The following CACNB4 variants were observed in gnomAD, a reference collection of about 807,000 sequenced individuals.
The protein encoded by CACNB4 is calcium voltage-gated channel auxiliary subunit beta 4, also known as voltage-dependent L-type calcium channel subunit beta-4.
In CACNB4, 32 loss-of-function variants were observed where a neutral mutation model predicts 71.2. The observed-to-expected ratio is 0.45, with a 90% CI of 0.34 to 0.60. The LOEUF (loss-of-function observed/expected upper bound fraction) is 0.60. Among genes scored for constraint, CACNB4 ranks in the 20% least tolerant of loss-of-function variants. The pLI, the probability that CACNB4 is intolerant of heterozygous loss-of-function variation, is 0.01. For missense variants in CACNB4, 464 were observed against 647.9 expected, an observed-to-expected ratio of 0.72 and a Z score of 3.08; for synonymous variants, 231 against 236.9, an observed-to-expected ratio of 0.97 and a Z score of 0.23.
intron 2 of CACNB4, among the ~76,000 whole-genome samples, chr2:151,978,294 T>C (rs1331933646): frequency 6.6e-6 from 1 of 152,066 alleles, no homozygotes; most frequent in Non-Finnish European, 1.5e-5. Context: ...GAAAGATACA[T>C]AGGAGGCAGT....
intron 2 of CACNB4, among the ~76,000 whole-genome samples, chr2:152,029,918 T>A (rs2105182002): frequency 6.6e-6 from 1 of 152,292 alleles, no homozygotes; most frequent in Non-Finnish European, 1.5e-5. Flanking sequence ...GAGAAATAAA[T>A]TCCTGTTGTT....
At position 151,896,699 on chromosome 2, in the gene CACNB4, G is replaced by A. The variant is rs148041794; in HGVS notation, c.148-13329C>T. Among the ~76,000 whole-genome samples the A allele has an allele frequency of 2.3e-3, 353 of 152,272 alleles. 3 individuals are homozygous for A. The highest frequency in any genetic ancestry group is 8.3e-3 in the African/African-American group (343 of 41,558). On this transcript the variant is annotated intron_variant, in intron 2 of 13. Coordinates refer to ENST00000539935, the MANE Select transcript of CACNB4 (RefSeq NM_000726.5). ...AGGCTTGCTTTTTTGATTCCTATCT[G>A]CTAATTCTGTGTTCTGTGTGTTAGA...
chr2:151,872,833 C>A, intron 5 of CACNB4: 1 of 179,284 alleles, frequency 5.6e-6, no homozygotes, highest in Non-Finnish European at 1.2e-5. Flanking sequence ...AAACACAGCT[C>A]AAAACAAGCA....
intron 2 of CACNB4, among the ~76,000 whole-genome samples, chr2:151,896,190 G>T (rs954183828): frequency 6.6e-6 from 1 of 152,132 alleles, no homozygotes; most frequent in African/African-American, 2.4e-5. Context: ...GAGGCCCAGG[G>T]GCCCCAACAG....
intron 2 of CACNB4, among the ~76,000 whole-genome samples, chr2:152,002,259 C>T (rs956856410): frequency 6.6e-6 from 1 of 152,308 alleles, no homozygotes; most frequent in African/African-American, 2.4e-5. Context: ...CGTCCTCTTA[C>T]TTGAAACACA....
chr2:152,078,990 C>T (rs1448613734), intron 2 of CACNB4, among the ~76,000 whole-genome samples: 1 of 152,132 alleles, frequency 6.6e-6, no homozygotes, highest in African/African-American at 2.4e-5. Flanking sequence ...CTACATGGTG[C>T]CTGCTCTACT....
chr2:151,993,282 T>C (rs1461787288), intron 2 of CACNB4, among the ~76,000 whole-genome samples: 4 of 152,104 alleles, frequency 2.6e-5, no homozygotes, highest in African/African-American at 9.7e-5. Flanking sequence ...AATTTGTAGA[T>C]ACCATTTTTG....
chr2:151,992,990 A>G (rs1006822227), intron 2 of CACNB4, among the ~76,000 whole-genome samples: 4 of 152,168 alleles, frequency 2.6e-5, no homozygotes, highest in Admixed American at 2.0e-4. Flanking sequence ...CAGCTTCCAA[A>G]TCTGGTAATT....
Position 151,860,713 on chromosome 2 carries a change from A to G in CACNB4, c.866T>C (p.Leu289Ser). Residue 289 changes from leucine (L) to serine (S), a missense_variant and splice_region_variant, in exon 10 of 14, where the codon TTA becomes TCA. Physicochemically the swap from Leu to Ser is moderately radical, Grantham distance 145. Transcript: ENST00000539935. ...IIERSNTRSS[L>S]AEVQSEIERI... ...AGTACCACATTTGAACATCTTACCT[A>G]AGCTGGACCGGGTGTTCGAACGTTC... is the stretch of plus-strand genomic sequence containing the variant. 1 of 1,604,252 alleles carries G rather than the reference A, an allele frequency of 6.2e-7. No homozygotes were observed. The highest frequency in any genetic ancestry group is 8.5e-7 in the Non-Finnish European group (1 of 1,171,004).
chr2:151,952,632 A>G (rs998446690), intron 2 of CACNB4, among the ~76,000 whole-genome samples: 1 of 152,202 alleles, frequency 6.6e-6, no homozygotes, highest in Non-Finnish European at 1.5e-5. Context: ...AAATAATGGG[A>G]CCCGAGAAGC....
chr2:151,842,663 G>T (rs1242909097), intron 12 of CACNB4, among the ~76,000 whole-genome samples: 1 of 152,084 alleles, frequency 6.6e-6, no homozygotes, highest in Non-Finnish European at 1.5e-5. Context: ...AGAAAAAGAT[G>T]AAGTAAGTGT....
chr2:151,929,362 C>A (rs1170031204), intron 2 of CACNB4, among the ~76,000 whole-genome samples: 1 of 152,254 alleles, frequency 6.6e-6, no homozygotes, highest in South Asian at 2.1e-4. Context: ...AGACTCATAA[C>A]CCTTACTATA....
chr2:151,971,576 G>A (rs2099872565), intron 2 of CACNB4: 1 of 702,872 alleles, frequency 1.4e-6, no homozygotes. Context: ...GAGAAAGACT[G>A]CTGAGGAGGT....
chr2:152,025,086 A>C (rs565617504), intron 2 of CACNB4, among the ~76,000 whole-genome samples: 49 of 152,266 alleles, frequency 3.2e-4, no homozygotes, highest in African/African-American at 1.1e-3. Flanking sequence ...TAAATTTTGC[A>C]AAACCAGAAA....
At chr2:151,933,257 G>A (rs184407398) in intron 2 of CACNB4, among the ~76,000 whole-genome samples, 19 of 151,658 alleles carry the variant, frequency 1.3e-4, no homozygotes, top group Admixed American at 4.6e-4. Flanking sequence ...TCAGTGTCTC[G>A]ATGTTGGCCT....
chr2:152,003,230 G>A (rs959657471), intron 2 of CACNB4, among the ~76,000 whole-genome samples: 8 of 151,950 alleles, frequency 5.3e-5, no homozygotes, highest in African/African-American at 1.9e-4. Context: ...ATTGCCTGAG[G>A]TCAGGAGTTC....
chr2:151,914,194 G>C (rs939756658), intron 2 of CACNB4, among the ~76,000 whole-genome samples: 7 of 151,610 alleles, frequency 4.6e-5, no homozygotes, highest in Non-Finnish European at 8.8e-5. Flanking sequence ...CTCTATTCTT[G>C]TCTGCATGTC....
At chr2:151,979,139 G>GT (rs1166967930) in intron 2 of CACNB4, among the ~76,000 whole-genome samples, 4 of 152,038 alleles carry the variant, frequency 2.6e-5, no homozygotes, top group Non-Finnish European at 5.9e-5. Flanking sequence ...TGAAAATCCT[G>GT]TAACAAATGC....
intron 2 of CACNB4, among the ~76,000 whole-genome samples, chr2:151,907,061 CT>C (rs921568063): frequency 7.4e-5 from 11 of 149,604 alleles, no homozygotes; most frequent in South Asian, 4.2e-4. Flanking sequence ...TTATCCATCT[CT>C]TTTTTTTTTC....
Sources: allele counts gnomAD v4.1 joint callset (sites outside exome capture counted in the v4.1 genomes callset), GRCh38; gene constraint gnomAD v4.1.1; transcripts MANE v1.5; gene names NCBI Gene and HGNC (gene_info 2026-07-23, HGNC 2026-07-21).